ACVR2A: variants seen among roughly 807,000 people sequenced by gnomAD.
The protein encoded by ACVR2A is activin A receptor type 2A.
In ACVR2A, 7 loss-of-function variants were observed where a neutral mutation model predicts 61.4. The observed-to-expected ratio is 0.11, with a 90% confidence interval of 0.06 to 0.21. The LOEUF (loss-of-function observed/expected upper bound fraction) is 0.21, where lower values mean the gene tolerates loss of function less well. Among genes scored for constraint, ACVR2A ranks in the 10% least tolerant of loss-of-function variants. The probability of loss-of-function intolerance (pLI) is 1.00; values close to 1 mark genes in which losing one functional copy is unlikely to be tolerated. For synonymous variants in ACVR2A, 193 were observed against 208.3 expected (o/e 0.93, Z 0.63); for missense variants, 322 against 621.7 (o/e 0.52, Z 5.13).
chr2:147,882,865 A>G (rs1053147729), intron 1 of ACVR2A, among the ~76,000 whole-genome samples: 1 of 152,148 alleles, frequency 6.6e-6, no homozygotes, highest in African/African-American at 2.4e-5. Flanking sequence ...GTTTTCCTTT[A>G]GAAGTGATTG....
At chr2:147,926,540 T>A (rs1267052950) in intron 10 of ACVR2A, among the ~76,000 whole-genome samples, 2 of 151,966 alleles carry the variant, frequency 1.3e-5, no homozygotes, top group Non-Finnish European at 2.9e-5. Context: ...CTCCTCTCCA[T>A]GGGAGTTTGT....
intron 1 of ACVR2A, among the ~76,000 whole-genome samples, chr2:147,869,342 C>CG (rs1408842339): frequency 4.0e-5 from 6 of 148,440 alleles, no homozygotes; most frequent in Middle Eastern, 3.4e-3. Context: ...ATAAGGGAGA[C>CG]TGACTATTCT....
In ACVR2A at chr2:147,928,006, C is replaced by G. The variant is rs1687545460; in HGVS notation, c.*732C>G. On this transcript the variant is annotated 3_prime_UTR_variant, in exon 11 of 11. Transcript: ENST00000241416. ...TATGCTTAGTGCCAACAATAAGTGG[C>G]CATTCGTAAAGCAGTGTTTTAGCAT... 1 of 152,298 alleles carries G rather than the reference C, an allele frequency of 6.6e-6. No homozygotes were observed. The highest frequency in any genetic ancestry group is 2.4e-5 in the African/African-American group (1 of 41,386). The allele number at this position is 152,298 out of a possible 1,614,324, so 9.4% of individuals were successfully genotyped here. A position where few individuals can be genotyped will look rare whatever the true frequency, so the allele number is the denominator to read the frequency against.
chr2:147,874,733 A>G (rs1686111771), intron 1 of ACVR2A, among the ~76,000 whole-genome samples: 1 of 152,014 alleles, frequency 6.6e-6, no homozygotes, highest in African/African-American at 2.4e-5. Flanking sequence ...AGATGAATCT[A>G]CTACGCACTG....
In ACVR2A at chr2:147,918,437, C is replaced by A; in HGVS notation, c.817-10C>A. 1 of 1,592,778 alleles carries A rather than the reference C, an allele frequency of 6.3e-7. No homozygotes were observed. Among genetic ancestry groups the A allele is most frequent in the Non-Finnish European group, 8.5e-7 (1 of 1,173,160 alleles). ...AGAACATAAGTTTCTTTTTTTCCCT[C>A]TTTTTTTAGGGTTCACTATCAGACT... On this transcript the variant is annotated splice_polypyrimidine_tract_variant and intron_variant, in intron 6 of 10. Coordinates refer to ENST00000241416, the MANE Select transcript of ACVR2A (RefSeq NM_001616.5).
At chr2:147,845,955 C>A (rs964648866) in intron 1 of ACVR2A, among the ~76,000 whole-genome samples, 1 of 152,102 alleles carries the variant, frequency 6.6e-6, no homozygotes, top group African/African-American at 2.4e-5. Context: ...TTTAGAACAA[C>A]CCATGTGAAA....
intron 2 of ACVR2A, among the ~76,000 whole-genome samples, chr2:147,899,177 GA>G (rs1301423205): frequency 2.0e-5 from 3 of 151,986 alleles, no homozygotes; most frequent in Admixed American, 6.6e-5. Flanking sequence ...AATAAAAAAA[GA>G]TGCTTGCCTT....
intron 1 of ACVR2A, among the ~76,000 whole-genome samples, chr2:147,882,445 G>A (rs1304719319): frequency 1.3e-5 from 2 of 152,266 alleles, no homozygotes; most frequent in East Asian, 3.9e-4. Context: ...CAGCCACTTG[G>A]GAGTTTGAGG....
At position 147,924,426 on chromosome 2, in the gene ACVR2A, A is replaced by G. The variant is rs117961050; in HGVS notation, c.1216+1315A>G. On this transcript the variant is annotated intron_variant, in intron 9 of 10. Transcript: ENST00000241416. ...CCATTCCCCAGTACATAGGTATTCA[A>G]TAAATGTTTCTGGGTTAGTGCAATA... Among the ~76,000 whole-genome samples the G allele has an allele frequency of 4.6e-4, 70 of 152,156 alleles. No homozygotes were observed. The East Asian group carries it at 0.012, about 27-fold the overall frequency.
intron 4 of ACVR2A, among the ~76,000 whole-genome samples, chr2:147,911,988 C>T (rs1248461458): frequency 6.6e-6 from 1 of 151,982 alleles, no homozygotes; most frequent in Non-Finnish European, 1.5e-5. Flanking sequence ...TTTTAGATAG[C>T]TTCATCTTTG....
At chr2:147,918,261 A>G (rs990882915) in intron 6 of ACVR2A, among the ~76,000 whole-genome samples, 186 bp from the exon 7 acceptor site, 1 of 151,862 alleles carries the variant, frequency 6.6e-6, no homozygotes, top group Non-Finnish European at 1.5e-5. Context: ...CCTTCTGGTC[A>G]AATGTTTATT....
chr2:147,868,013 T>C (rs1307361527), intron 1 of ACVR2A, among the ~76,000 whole-genome samples: 2 of 152,210 alleles, frequency 1.3e-5, no homozygotes, highest in East Asian at 1.9e-4. Flanking sequence ...ACCTTACTTA[T>C]TTACTGATTG....
At chr2:147,910,663 C>G (rs1687090929) in intron 4 of ACVR2A, among the ~76,000 whole-genome samples, 1 of 152,124 alleles carries the variant, frequency 6.6e-6, no homozygotes, top group African/African-American at 2.4e-5. Context: ...TCAGCCTTCC[C>G]TACCACTGGT....
At chr2:147,915,719 T>C (rs553647534) in intron 5 of ACVR2A, among the ~76,000 whole-genome samples, 67 of 152,044 alleles carry the variant, frequency 4.4e-4, no homozygotes, top group African/African-American at 1.4e-3. Context: ...TTAGAATTGG[T>C]ATTTAGAGGT....
At chr2:147,921,321 C>T (rs1687376640) in intron 8 of ACVR2A, among the ~76,000 whole-genome samples, 1 of 152,182 alleles carries the variant, frequency 6.6e-6, no homozygotes, top group Admixed American at 6.5e-5. Flanking sequence ...AGGCGTGAGC[C>T]ACCACGCCCA....
At chr2:147,901,451 A>G (rs961374560) in intron 4 of ACVR2A, among the ~76,000 whole-genome samples, 1 of 151,974 alleles carries the variant, frequency 6.6e-6, no homozygotes, top group South Asian at 2.1e-4. Context: ...TTTATATCCT[A>G]TGTATGTGGT....
Position 147,895,548 on chromosome 2 carries a change from G to A in ACVR2A, c.56-753G>A, listed in dbSNP as rs866647544. Among the ~76,000 whole-genome samples, 9 of 152,260 alleles carry A rather than the reference G, an allele frequency of 5.9e-5. 1 individual carries two copies. In the South Asian group the frequency reaches 1.9e-3, roughly 32 times the overall value. On this transcript the variant is annotated intron_variant, in intron 1 of 10. Coordinates refer to ENST00000241416, the MANE Select transcript of ACVR2A (RefSeq NM_001616.5). ...TGGAATTGCTCCTGAGAAGAGAAAA[G>A]TCTTGACATTACAAGAAAAAGTGGA...
intron 1 of ACVR2A, among the ~76,000 whole-genome samples, chr2:147,892,046 AC>A (rs759169687): frequency 1.6e-4 from 25 of 151,516 alleles, no homozygotes; most frequent in Non-Finnish European, 1.3e-4. Flanking sequence ...ATCTCGGCTC[AC>A]TGCAACCTCC....
Position 147,927,307 on chromosome 2 carries a change from G to A in ACVR2A, c.*33G>A. 6.4e-7 allele frequency: 1 copy of A among 1,569,600 alleles called. No homozygotes were observed. Among genetic ancestry groups the A allele is most frequent in the Non-Finnish European group, 8.6e-7 (1 of 1,158,432 alleles). ...GCCATCTGTGCACACTAAGAAATGG[G>A]ACTCTGAACTGGAGCTGCTAAGCTA... On this transcript the variant is annotated 3_prime_UTR_variant, in exon 11 of 11. Coordinates refer to ENST00000241416, the MANE Select transcript of ACVR2A (RefSeq NM_001616.5).
Sources: allele counts gnomAD v4.1 joint callset (sites outside exome capture counted in the v4.1 genomes callset), GRCh38; gene constraint gnomAD v4.1.1; transcripts MANE v1.5; gene names NCBI Gene and HGNC (gene_info 2026-07-23, HGNC 2026-07-21).